PDZD8: variants seen among roughly 807,000 people sequenced by gnomAD.
PDZD8 encodes the protein PDZ domain-containing protein 8.
In PDZD8, 14 loss-of-function variants were observed where a neutral mutation model predicts 85.8. The ratio of observed to expected loss-of-function variants is 0.16; its 90% CI spans 0.11 to 0.26. The LOEUF (loss-of-function observed/expected upper bound fraction) is 0.26. PDZD8 is among the 10% of genes least tolerant of loss of function. The pLI, the probability that PDZD8 is intolerant of heterozygous loss-of-function variation, is 1.00. For synonymous variants in PDZD8, 592 were observed against 568.6 expected (o/e 1.04, Z -0.59); for missense variants, 1,197 against 1,424.3 (o/e 0.84, Z 2.57).
At chr10:117,339,967 T>G (rs766778466) in intron 2 of PDZD8, among the ~76,000 whole-genome samples, 9 of 152,258 alleles carry the variant, frequency 5.9e-5, no homozygotes, top group Non-Finnish European at 1.0e-4. Context: ...GACTGACAAT[T>G]AGATTTGCAT....
At chr10:117,344,147 G>A (rs757654732) in intron 1 of PDZD8, among the ~76,000 whole-genome samples, 3 of 152,132 alleles carry the variant, frequency 2.0e-5, no homozygotes, top group Non-Finnish European at 4.4e-5. Flanking sequence ...TAGGAAGATC[G>A]ACTTTAAGGA....
intron 1 of PDZD8, among the ~76,000 whole-genome samples, chr10:117,355,912 C>T (rs1313177742): frequency 6.6e-6 from 1 of 151,976 alleles, no homozygotes; most frequent in Non-Finnish European, 1.5e-5. Context: ...GAAGAAATAC[C>T]ATTAAGGTGT....
chr10:117,374,791 C>T lies in PDZD8; in HGVS notation c.437G>A (p.Arg146Gln), dbSNP rs1446174173. ...AGRLLEGLSL[R>Q]DVFLGETVPF... ...CACCGTCTCGCCCAGGAACACGTCC[C>T]GCAGGCTCAGCCCCTCCAGCAGGCG... The change falls in exon 1 of 5, where the codon CGG becomes CAG. Residue 146 changes from arginine (R) to glutamine (Q), a missense_variant. Arg to Gln is a conservative substitution (Grantham distance 43). This residue lies in a region of PDZD8 where 344 missense variants were observed against 453.6 expected (regional missense o/e 0.76). Coordinates refer to ENST00000334464, the MANE Select transcript of PDZD8 (RefSeq NM_173791.5). The surrounding 1 kb of genome is among the most constrained non-coding windows in gnomAD (Gnocchi z 7.8). 1.9e-6 allele frequency: 3 copies of T among 1,613,082 alleles called. No homozygotes were observed. Among genetic ancestry groups the T allele is most frequent in the Non-Finnish European group, 1.7e-6 (2 of 1,179,876 alleles).
intron 1 of PDZD8, among the ~76,000 whole-genome samples, chr10:117,350,891 G>GGA (rs1844795062): frequency 7.8e-6 from 1 of 127,672 alleles, no homozygotes; most frequent in Non-Finnish European, 1.7e-5. Context: ...GTGACAAAGT[G>GGA]AAAAAAAAAA....
intron 3 of PDZD8, among the ~76,000 whole-genome samples, chr10:117,307,859 G>T (rs1198860892): frequency 6.6e-6 from 1 of 151,938 alleles, no homozygotes; most frequent in African/African-American, 2.4e-5. Flanking sequence ...CTGTTTGAAG[G>T]CAAAAACAAA....
At position 117,375,063 on chromosome 10, in the gene PDZD8, G is replaced by A. The variant is rs1845273936; in HGVS notation, c.165C>T (p.Leu55=). The part of the protein sequence containing the change: ...FRYIKPVPGL[L]LREYLYGGGR... Reference sequence around the variant, plus strand: ...CGCCGCCATAAAGGTACTCCCTTAGGAGCAGGCCCGGCACTGGCTTGATGT... The same window carrying A: ...CGCCGCCATAAAGGTACTCCCTTAGAAGCAGGCCCGGCACTGGCTTGATGT... Residue 55 remains leucine (L), a synonymous_variant, in exon 1 of 5, where the codon CTC becomes CTT. Coordinates refer to ENST00000334464, the MANE Select transcript of PDZD8 (RefSeq NM_173791.5). The A allele has an allele frequency of 6.2e-7, 1 of 1,601,016 alleles. No individual in the cohort carries two copies. Among genetic ancestry groups the A allele is most frequent in the Non-Finnish European group, 8.5e-7 (1 of 1,176,722 alleles).
intron 3 of PDZD8, among the ~76,000 whole-genome samples, chr10:117,305,471 TACACACACAC>T (rs57037106): frequency 0.049 from 6,934 of 141,798 alleles, 221 homozygotes; most frequent in Admixed American, 0.11. Flanking sequence ...TACACACACA[TACACACACAC>T]ACACACACAC....
At chr10:117,372,967 T>C (rs1845219437) in intron 1 of PDZD8, among the ~76,000 whole-genome samples, 1 of 152,064 alleles carries the variant, frequency 6.6e-6, no homozygotes, top group Non-Finnish European at 1.5e-5. Context: ...CAACTTCCAC[T>C]AAAAGGCAAG....
rs1160320108 is a variant in PDZD8 at position 117,285,042 on chromosome 10, G to A, written c.1691C>T (p.Pro564Leu). 6.2e-7 allele frequency: 1 copy of A among 1,613,850 alleles called. No homozygotes were observed. Among genetic ancestry groups the A allele is most frequent in the Admixed American group, 1.7e-5 (1 of 59,994 alleles). Residue 564 changes from proline (P) to leucine (L), a missense_variant, in exon 5 of 5, where the codon CCT becomes CTT. By Grantham distance (98) the Pro-to-Leu change is moderately conservative (BLOSUM62 -3). Around this residue, in one of 4 missense-constraint regions of PDZD8, gnomAD observed 263 missense variants for 261.9 expected, o/e 1.00. Coordinates refer to ENST00000334464, the MANE Select transcript of PDZD8 (RefSeq NM_173791.5). Reference protein sequence around the residue: ...PKIQSKDGNKPPPLKTSEITD... With the variant: ...PKIQSKDGNKLPPLKTSEITD... ...TATCTCAGAAGTTTTTAGGGGTGGA[G>A]GTTTATTTCCATCTTTGGACTGAAT...
At chr10:117,313,185 T>C (rs1303506140) in intron 3 of PDZD8, among the ~76,000 whole-genome samples, 1 of 152,200 alleles carries the variant, frequency 6.6e-6, no homozygotes, top group Non-Finnish European at 1.5e-5. Flanking sequence ...TGCTGTCCAA[T>C]ATGGTACCCA....
Position 117,285,019 on chromosome 10 carries a change from T to A in PDZD8, c.1714A>T (p.Ile572Leu), listed in dbSNP as rs754243821. The change falls in exon 5 of 5, where the codon ATA becomes TTA. Residue 572 changes from isoleucine (I) to leucine (L), a missense_variant. Ile to Leu is a conservative substitution (Grantham distance 5). Coordinates refer to ENST00000334464, the MANE Select transcript of PDZD8 (RefSeq NM_173791.5). ...NKPPPLKTSE[I>L]TDPAQVSKPT... Reference sequence around the variant, plus strand: ...TTTGACACTTGTGCTGGGTCTGTTATCTCAGAAGTTTTTAGGGGTGGAGGT... The same window carrying A: ...TTTGACACTTGTGCTGGGTCTGTTAACTCAGAAGTTTTTAGGGGTGGAGGT... 8 of 1,614,010 alleles carry A rather than the reference T, an allele frequency of 5.0e-6. No individual in the cohort carries two copies. Among genetic ancestry groups the A allele is most frequent in the Non-Finnish European group, 6.8e-6 (8 of 1,179,994 alleles).
At chr10:117,320,725 C>A (rs1054492503) in intron 2 of PDZD8, among the ~76,000 whole-genome samples, 2 of 151,976 alleles carry the variant, frequency 1.3e-5, no homozygotes, top group Non-Finnish European at 2.9e-5. Flanking sequence ...AATGAAAAAA[C>A]AACCCAGAGA....
At chr10:117,314,315 T>C (rs569580279) in intron 3 of PDZD8, 1 of 152,200 alleles carries the variant, frequency 6.6e-6, no homozygotes, top group East Asian at 1.9e-4. Context: ...CTTTCTTTTC[T>C]AAAAAGAAGA....
Position 117,283,755 on chromosome 10 carries a change from C to A in PDZD8, c.2978G>T (p.Arg993Leu). The change falls in exon 5 of 5, where the codon CGG (arginine) becomes CTG (leucine). Residue 993 changes from arginine to leucine, a missense_variant. By Grantham distance (102) the Arg-to-Leu change is moderately radical (BLOSUM62 -2). Coordinates refer to ENST00000334464, the MANE Select transcript of PDZD8 (RefSeq NM_173791.5). ...EVCGPNSPSK[R>L]GNSTGIKLVR... ...TAACTTTATTCCTGTGCTGTTTCCC[C>A]GTTTAGAAGGACTGTTTGGACCACA... 3.7e-6 allele frequency: 6 copies of A among 1,614,160 alleles called. No individual in the cohort carries two copies. Among genetic ancestry groups the A allele is most frequent in the Non-Finnish European group, 3.4e-6 (4 of 1,180,026 alleles).
At chr10:117,307,370 T>A (rs1484275630) in intron 3 of PDZD8, among the ~76,000 whole-genome samples, 1 of 151,978 alleles carries the variant, frequency 6.6e-6, no homozygotes, top group African/African-American at 2.4e-5. Flanking sequence ...TCACAAAAAT[T>A]AAAAATCTGC....
chr10:117,334,384 C>T (rs963846147), intron 2 of PDZD8, among the ~76,000 whole-genome samples: 2 of 152,090 alleles, frequency 1.3e-5, no homozygotes, highest in Non-Finnish European at 2.9e-5. Flanking sequence ...TGTCACATGC[C>T]TGTGGTCCCA....
Position 117,360,944 on chromosome 10 carries a change from T to C in PDZD8, c.872+13412A>G, listed in dbSNP as rs558320924. On this transcript the variant is annotated intron_variant, in intron 1 of 4. Coordinates refer to ENST00000334464, the MANE Select transcript of PDZD8 (RefSeq NM_173791.5). ...GGATCCCAAAGAGCTGCTGTTCATG[T>C]AGATTATGTCTATTAACATTTTGCA... Among the ~76,000 whole-genome samples, 32 of 152,272 alleles carry C rather than the reference T, an allele frequency of 2.1e-4. No homozygotes were observed. In the South Asian group the frequency reaches 5.8e-3, roughly 28 times the overall value.
chr10:117,351,824 AC>A (rs1275645887), intron 1 of PDZD8, among the ~76,000 whole-genome samples: 2 of 152,118 alleles, frequency 1.3e-5, no homozygotes, highest in African/African-American at 4.8e-5. Flanking sequence ...AGTAGCTGGC[AC>A]TACAGATGCA....
At chr10:117,313,390 T>C (rs1302629403) in intron 3 of PDZD8, among the ~76,000 whole-genome samples, 2 of 152,164 alleles carry the variant, frequency 1.3e-5, no homozygotes, top group Non-Finnish European at 2.9e-5. Context: ...TAAAATTAAT[T>C]TCTCCTGCTT....
Sources: allele counts gnomAD v4.1 joint callset (sites outside exome capture counted in the v4.1 genomes callset), GRCh38; gene constraint gnomAD v4.1.1; regional missense constraint gnomAD v4.1.1; non-coding constraint Gnocchi (gnomAD v3.1); transcripts MANE v1.5; gene names NCBI Gene and HGNC (gene_info 2026-07-23, HGNC 2026-07-21).